Variants in UBE3C observed in about 807,000 individuals in gnomAD.
The protein encoded by UBE3C is ubiquitin protein ligase E3C.
Under a neutral mutation model 129.4 loss-of-function variants are expected in UBE3C, and 42 were observed. The ratio of observed to expected loss-of-function variants is 0.32; its 90% CI spans 0.25 to 0.42. The LOEUF is 0.42. Ranked by LOEUF, UBE3C falls within the 10% of genes least tolerant of loss-of-function variation. UBE3C has a pLI of 1.00. For synonymous variants in UBE3C, 510 were observed against 492.4 expected (o/e 1.04, Z -0.47); for missense variants, 1,049 against 1,319.1 (o/e 0.80, Z 3.17).
Position 157,209,211 on chromosome 7 carries a change from C to T in UBE3C, c.1809+1276C>T, listed in dbSNP as rs151037730. 7.3e-4 allele frequency among the ~76,000 whole-genome samples: 111 copies of T among 152,296 alleles called. 2 individuals are homozygous for T. In the East Asian group the frequency reaches 0.02, roughly 28 times the overall value. On this transcript the variant is annotated intron_variant, in intron 13 of 22. Transcript: ENST00000348165. ...AATGCTTATTCATCCTCCAAGTCCA[C>T]GAGAGTCTCTCTCCAGCCCGTTCTG...
rs1808665185 is a variant in UBE3C at position 157,181,515 on chromosome 7, T to A, written c.617-3T>A. On this transcript the variant is annotated splice_region_variant and splice_polypyrimidine_tract_variant and intron_variant, in intron 6 of 22. Transcript: ENST00000348165. ...AATTTTAAATATGTGTTTTTCCTTT[T>A]AGGGTATTATAGGTCTCTATATTTG... 6.4e-7 allele frequency: 1 copy of A among 1,558,076 alleles called. No individual in the cohort carries two copies. Among genetic ancestry groups the A allele is most frequent in the Non-Finnish European group, 8.6e-7 (1 of 1,159,318 alleles).
At chr7:157,236,949 C>T (rs561195222) in intron 18 of UBE3C, among the ~76,000 whole-genome samples, 1 of 152,160 alleles carries the variant, frequency 6.6e-6, no homozygotes, top group Admixed American at 6.5e-5. Flanking sequence ...CCAAGCTGGT[C>T]TCGAAATCCT....
intron 10 of UBE3C, among the ~76,000 whole-genome samples, chr7:157,187,667 C>T (rs370613140): frequency 6.6e-6 from 1 of 151,980 alleles, no homozygotes; most frequent in Non-Finnish European, 1.5e-5. Flanking sequence ...GCTCTGCCCC[C>T]CTGGGTTCAT....
chr7:157,207,998 C>T, intron 13 of UBE3C, 63 bp downstream of exon 13: 1 of 1,034,618 alleles, frequency 9.7e-7, no homozygotes. Flanking sequence ...TTTGTCTTGA[C>T]TCGTTGCAGA....
chr7:157,266,980 C>A (rs919263578), intron 22 of UBE3C, among the ~76,000 whole-genome samples: 5 of 152,164 alleles, frequency 3.3e-5, no homozygotes, highest in African/African-American at 1.2e-4. Flanking sequence ...AAGCTCAAGC[C>A]ATCCCCCAGC....
At chr7:157,232,474 T>A (rs939296136) in intron 18 of UBE3C, among the ~76,000 whole-genome samples, 2 of 152,286 alleles carry the variant, frequency 1.3e-5, no homozygotes, top group Middle Eastern at 6.8e-3. Flanking sequence ...TTGTCCTGCA[T>A]CAGCCTCCTG....
Position 157,207,518 on chromosome 7 carries a change from C to A in UBE3C, c.1539C>A (p.Ser513=), listed in dbSNP as rs1809466386. 5.6e-6 allele frequency: 9 copies of A among 1,613,114 alleles called. No individual in the cohort carries two copies. The African/African-American group carries it at 9.3e-5, about 17-fold the overall frequency. The part of the protein sequence containing the change: ...FSSLFSHSLI[S]IHDNEFFGDP... ...CCTTGTTTAGTCATTCACTAATTTC[C>A]ATACATGATAACGAATTCTTCGGTG... Residue 513 remains serine, a synonymous_variant, in exon 12 of 23, where the codon TCC becomes TCA. Coordinates refer to ENST00000348165, the MANE Select transcript of UBE3C (RefSeq NM_014671.3).
intron 14 of UBE3C, among the ~76,000 whole-genome samples, chr7:157,217,824 C>T (rs146587249): frequency 4.6e-5 from 7 of 151,132 alleles, no homozygotes; most frequent in East Asian, 2.0e-4. Context: ...GTGATAAGAG[C>T]GAAATTCCGT....
At chr7:157,162,881 G>A (rs890218125) in intron 1 of UBE3C, among the ~76,000 whole-genome samples, 15 of 152,092 alleles carry the variant, frequency 9.9e-5, no homozygotes, top group African/African-American at 3.4e-4. Flanking sequence ...CTAAAGACTG[G>A]AACAGTCTTT....
chr7:157,212,526 T>C (rs892002894), intron 13 of UBE3C, among the ~76,000 whole-genome samples: 4 of 152,254 alleles, frequency 2.6e-5, no homozygotes, highest in African/African-American at 4.8e-5. Context: ...ATCATTGCCA[T>C]GAACTCTCAA....
Position 157,169,029 on chromosome 7 carries a change from T to A in UBE3C, c.121-19T>A. On this transcript the variant is annotated intron_variant, in intron 2 of 22. Transcript: ENST00000348165. ...GGATTCTGACCAATTGCTCCCTCACTCCTCCTTTTATTGTTTAGGAAGAAA... is the reference window on the plus strand; with the variant it reads ...GGATTCTGACCAATTGCTCCCTCACACCTCCTTTTATTGTTTAGGAAGAAA... 6.2e-7 allele frequency: 1 copy of A among 1,607,954 alleles called. No homozygotes were observed. The highest frequency in any genetic ancestry group is 8.5e-7 in the Non-Finnish European group (1 of 1,174,802).
chr7:157,147,563 G>A (rs1430385159), intron 1 of UBE3C, among the ~76,000 whole-genome samples: 2 of 151,530 alleles, frequency 1.3e-5, no homozygotes, highest in Admixed American at 6.6e-5. Context: ...GTGTTTTATT[G>A]TCTTACTGCA....
At chr7:157,207,333 A>G (rs903053365) in intron 11 of UBE3C, 65 bp from the exon 12 acceptor site, 1 of 1,562,176 alleles carries the variant, frequency 6.4e-7, no homozygotes, top group Admixed American at 2.1e-5. Context: ...TTATGTTTTA[A>G]TTAGTTCCCA....
intron 18 of UBE3C, among the ~76,000 whole-genome samples, chr7:157,238,999 G>C (rs978792517): frequency 6.6e-6 from 1 of 152,166 alleles, no homozygotes; most frequent in Non-Finnish European, 1.5e-5. Context: ...TAGCACTCTG[G>C]ACAAGTGATT....
chr7:157,140,953 G>A (rs891789290), intron 1 of UBE3C, among the ~76,000 whole-genome samples: 3 of 152,222 alleles, frequency 2.0e-5, no homozygotes, highest in Admixed American at 6.5e-5. Context: ...AGGAGGAAGG[G>A]CGAGAGGGAA....
chr7:157,182,070 A>G, intron 7 of UBE3C, 38 bp from the exon 8 acceptor site: 1 of 1,516,358 alleles, frequency 6.6e-7, no homozygotes, highest in Non-Finnish European at 8.8e-7. Context: ...GGACAGTATA[A>G]TTTGATTTTA....
At chr7:157,199,760 C>G (rs1184996714) in intron 10 of UBE3C, among the ~76,000 whole-genome samples, 1 of 152,104 alleles carries the variant, frequency 6.6e-6, no homozygotes, top group Non-Finnish European at 1.5e-5. Flanking sequence ...CGTGATCCAC[C>G]AGGTCCAGCC....
At chr7:157,171,660 T>TTATATATATATATATATATA (rs201782129) in intron 4 of UBE3C, among the ~76,000 whole-genome samples, 20 of 67,874 alleles carry the variant, frequency 2.9e-4, no homozygotes, top group South Asian at 5.7e-4. Context: ...TTTAAATATT[T>TTATATATATATATATATATA]TATATATATA....
At chr7:157,161,233 A>T (rs1808059876) in intron 1 of UBE3C, among the ~76,000 whole-genome samples, 1 of 152,202 alleles carries the variant, frequency 6.6e-6, no homozygotes, top group Admixed American at 6.5e-5. Flanking sequence ...AGTGAGTAAG[A>T]CATATGGGAT....
Sources: allele counts gnomAD v4.1 joint callset (sites outside exome capture counted in the v4.1 genomes callset), GRCh38; gene constraint gnomAD v4.1.1; transcripts MANE v1.5; gene names NCBI Gene and HGNC (gene_info 2026-07-23, HGNC 2026-07-21).